Variants in RANBP17 observed in about 807,000 individuals in gnomAD.
The protein encoded by RANBP17 is RAN binding protein 17, also known as ran-binding protein 17.
A neutral mutation model predicts 141.2 loss-of-function variants in RANBP17; 158 were observed. The ratio of observed to expected loss-of-function variants is 1.12; its 90% CI spans 0.98 to 1.28. RANBP17 has a LOEUF of 1.28. Ranked by LOEUF, RANBP17 falls within the 50% of genes most tolerant of loss-of-function variation. The probability of loss-of-function intolerance (pLI) is 0.00; values close to 1 mark genes in which losing one functional copy is unlikely to be tolerated. For synonymous variants in RANBP17, 430 were observed against 450.0 expected (o/e 0.96, Z 0.56); for missense variants, 1,438 against 1,290.7 (o/e 1.11, Z -1.75).
chr5:171,034,815 TTTTC>T lies in RANBP17; in HGVS notation c.1710+66446_1710+66449del, dbSNP rs369404517. ...GAGAAGATGAATAAATTAAAGGTTT[TTTTC>T]TTTCTTTGTTTTTTTGAGACAAGGT... On this transcript the variant is annotated intron_variant, in intron 14 of 27. Coordinates refer to ENST00000523189, the MANE Select transcript of RANBP17 (RefSeq NM_022897.5). 4.4e-4 allele frequency among the ~76,000 whole-genome samples: 67 copies of T among 152,318 alleles called. No homozygotes were observed. The East Asian group carries it at 0.012, about 28-fold the overall frequency.
At chr5:171,092,911 T>A (rs1230181426) in intron 14 of RANBP17, among the ~76,000 whole-genome samples, 1 of 152,198 alleles carries the variant, frequency 6.6e-6, no homozygotes, top group African/African-American at 2.4e-5. Context: ...ATATTTAGTT[T>A]GGTTTGTGTT....
intron 14 of RANBP17, among the ~76,000 whole-genome samples, chr5:171,074,381 T>A (rs1390979048): frequency 6.6e-6 from 1 of 152,162 alleles, no homozygotes; most frequent in Non-Finnish European, 1.5e-5. Flanking sequence ...GACGATTAAA[T>A]GCAAATGGAA....
intron 11 of RANBP17, 64 bp from the exon 12 acceptor site, chr5:170,924,293 A>T: frequency 9.6e-7 from 1 of 1,043,542 alleles, no homozygotes; most frequent in East Asian, 2.6e-5. Context: ...CATGAAGTTT[A>T]TTTGTGGTGA....
Position 171,183,435 on chromosome 5 carries a change from G to T in RANBP17, c.2038+5G>T, listed in dbSNP as rs1217699083. On this transcript the variant is annotated splice_donor_5th_base_variant and intron_variant, in intron 18 of 27. Transcript: ENST00000523189. ...GCCTTCTGATGGTAGATCTGGGTAA[G>T]GTTAAGAATTTAAACTCAATTAATA... 1 of 1,600,518 alleles carries T rather than the reference G, an allele frequency of 6.2e-7. No homozygotes were observed. The highest frequency in any genetic ancestry group is 1.7e-5 in the Admixed American group (1 of 59,952).
At chr5:171,137,586 G>C (rs1004812474) in intron 14 of RANBP17, among the ~76,000 whole-genome samples, 1 of 143,782 alleles carries the variant, frequency 7.0e-6, no homozygotes. Flanking sequence ...GTGTGTGTGT[G>C]TGTGTGTGTG....
intron 14 of RANBP17, among the ~76,000 whole-genome samples, chr5:171,148,759 G>A (rs1758264269): frequency 6.6e-6 from 1 of 152,118 alleles, no homozygotes; most frequent in African/African-American, 2.4e-5. Context: ...ACTTCTCTGG[G>A]TCTCAATTTC....
intron 14 of RANBP17, among the ~76,000 whole-genome samples, chr5:171,125,792 ATT>A (rs1214235593): frequency 2.1e-5 from 3 of 145,380 alleles, no homozygotes; most frequent in Non-Finnish European, 1.5e-5. Context: ...ATCTCAGTAA[ATT>A]TTTTTTTTTT....
rs533802437 is a variant in RANBP17 at position 170,921,174 on chromosome 5, G to A, written c.1274+1561G>A. Among the ~76,000 whole-genome samples, 4 of 152,284 alleles carry A rather than the reference G, an allele frequency of 2.6e-5. No homozygotes were observed. In the East Asian group the frequency reaches 7.7e-4, roughly 29 times the overall value. On this transcript the variant is annotated intron_variant, in intron 11 of 27. Transcript: ENST00000523189. ...TCATGAAGTCCTTGCCCATGCCTAT[G>A]TCCTGAATGGTATTGACTAGGTTTT...
intron 12 of RANBP17, among the ~76,000 whole-genome samples, chr5:170,935,651 G>A (rs943188510): frequency 1.3e-5 from 2 of 152,098 alleles, no homozygotes; most frequent in African/African-American, 4.8e-5. Context: ...TCCTTCCTCT[G>A]GAAGCTTAGT....
At chr5:171,254,971 G>A (rs1765797518) in intron 24 of RANBP17, among the ~76,000 whole-genome samples, 2 of 152,142 alleles carry the variant, frequency 1.3e-5, no homozygotes, top group African/African-American at 4.8e-5. Context: ...TCTTCCATAA[G>A]CAGATCTTTA....
chr5:171,104,807 T>C (rs1197405689), intron 14 of RANBP17, among the ~76,000 whole-genome samples: 2 of 152,206 alleles, frequency 1.3e-5, no homozygotes, highest in African/African-American at 4.8e-5. Context: ...ATAACTCGCA[T>C]ATAGAAGATG....
intron 14 of RANBP17, among the ~76,000 whole-genome samples, chr5:171,070,196 A>G (rs944001352): frequency 1.3e-5 from 2 of 152,154 alleles, no homozygotes; most frequent in African/African-American, 4.8e-5. Flanking sequence ...TCTTACTTGT[A>G]GGGCACTTTA....
At chr5:170,986,178 A>G (rs1413635608) in intron 14 of RANBP17, among the ~76,000 whole-genome samples, 6 of 152,092 alleles carry the variant, frequency 3.9e-5, no homozygotes, top group Non-Finnish European at 5.9e-5. Context: ...CTCCTTGCAT[A>G]TAAACCACAA....
At chr5:171,155,078 G>GAAAAA (rs145976955) in intron 14 of RANBP17, among the ~76,000 whole-genome samples, 20 of 74,992 alleles carry the variant, frequency 2.7e-4, no homozygotes, top group African/African-American at 8.0e-4. Context: ...ACTCCATCTA[G>GAAAAA]AAAAAAAAAA....
At chr5:171,022,437 C>T (rs1401665280) in intron 14 of RANBP17, among the ~76,000 whole-genome samples, 3 of 152,222 alleles carry the variant, frequency 2.0e-5, no homozygotes, top group African/African-American at 7.2e-5. Context: ...CCATCCTTCC[C>T]GCTAGGGGCT....
chr5:171,106,855 T>C (rs1349681882), intron 14 of RANBP17, among the ~76,000 whole-genome samples: 1 of 152,086 alleles, frequency 6.6e-6, no homozygotes, highest in Non-Finnish European at 1.5e-5. Context: ...TGACACTTGG[T>C]AATATATTTC....
intron 14 of RANBP17, among the ~76,000 whole-genome samples, chr5:171,059,245 A>G (rs1239754872): frequency 6.6e-6 from 1 of 152,096 alleles, no homozygotes; most frequent in African/African-American, 2.4e-5. Context: ...GCCCATGCCT[A>G]TGTCCTGAAT....
intron 5 of RANBP17, among the ~76,000 whole-genome samples, chr5:170,903,165 G>T (rs1263356840): frequency 3.3e-5 from 5 of 152,220 alleles, no homozygotes; most frequent in Admixed American, 3.3e-4. Context: ...CCCCTGACTG[G>T]GTCTGCTGCC....
At chr5:171,248,607 C>G (rs1239845938) in intron 24 of RANBP17, among the ~76,000 whole-genome samples, 1 of 152,152 alleles carries the variant, frequency 6.6e-6, no homozygotes, top group Non-Finnish European at 1.5e-5. Context: ...ATTTGAAGAC[C>G]CTGTAAAGGC....
Sources: allele counts gnomAD v4.1 joint callset (sites outside exome capture counted in the v4.1 genomes callset), GRCh38; gene constraint gnomAD v4.1.1; transcripts MANE v1.5; gene names NCBI Gene and HGNC (gene_info 2026-07-23, HGNC 2026-07-21).